KCP: variants seen among roughly 807,000 people sequenced by gnomAD.
KCP encodes kielin/chordin-like protein.
In KCP, 194 loss-of-function variants were observed where a neutral mutation model predicts 212.7. The observed-to-expected ratio is 0.91, with a 90% confidence interval of 0.81 to 1.03. The LOEUF (loss-of-function observed/expected upper bound fraction) is 1.03. KCP is among the 50% of genes least tolerant of loss of function. The pLI, the probability that KCP is intolerant of heterozygous loss-of-function variation, is 0.00. For missense variants in KCP, 2,080 were observed against 2,162.5 expected, an observed-to-expected ratio of 0.96 and a Z score of 0.76; for synonymous variants, 833 against 865.3, an observed-to-expected ratio of 0.96 and a Z score of 0.65.
chr7:128,883,720 C>T (rs901171733), intron 29 of KCP, among the ~76,000 whole-genome samples: 7 of 152,236 alleles, frequency 4.6e-5, no homozygotes, highest in Admixed American at 2.0e-4. Context: ...TGGGCTACCC[C>T]CTGCCTGCCT....
intron 29 of KCP, 77 bp downstream of exon 29, chr7:128,883,925 G>A: frequency 3.4e-6 from 5 of 1,472,116 alleles, no homozygotes; most frequent in Non-Finnish European, 4.5e-6. Flanking sequence ...ATCTGGGGCT[G>A]GGACTGGTGA....
chr7:128,878,838 A>G (rs1793147666), intron 37 of KCP, 116 bp from the exon 38 acceptor site: 6 of 1,051,050 alleles, frequency 5.7e-6, no homozygotes, highest in Middle Eastern at 2.9e-4. Context: ...AGGGGAGGAG[A>G]ATGGACAGGT....
rs774746419 is a variant in KCP at position 128,886,953 on chromosome 7, C to T, written c.2612G>A (p.Arg871His). The T allele has an allele frequency of 4.2e-5, 64 of 1,516,948 alleles. 1 individual carries two copies. The East Asian group carries it at 5.1e-4, about 12-fold the overall frequency. 94.0% of individuals were successfully genotyped at this position (1,516,948 alleles called of 1,614,324 possible). The change falls in exon 24 of 40, where the codon CGC becomes CAC. Residue 871 changes from arginine to histidine, a missense_variant. Arg to His is a conservative substitution (Grantham distance 29). Coordinates refer to ENST00000610776, the MANE Select transcript of KCP (RefSeq NM_001366122.1). ...TGGGGGACATGGCTTCTTCTGGCAGCGCATGGAACCTTCCTGGGGGAGAGA... is the reference window on the plus strand; with the variant it reads ...TGGGGGACATGGCTTCTTCTGGCAGTGCATGGAACCTTCCTGGGGGAGAGA... ...SLCTCQEGSMRCQKKPCPPAL... is the reference protein window; with the variant it reads ...SLCTCQEGSMHCQKKPCPPAL...
chr7:128,904,486 G>A, intron 5 of KCP: 1 of 866,990 alleles, frequency 1.2e-6, no homozygotes, highest in Non-Finnish European at 1.8e-6. Flanking sequence ...CCTCTCCTTT[G>A]CCAGAGCTGG....
chr7:128,890,222 G>A (rs4731523), intron 21 of KCP, 121 bp downstream of exon 21: 404,318 of 1,527,012 alleles, frequency 0.26, 55,314 homozygotes, highest in Admixed American at 0.37. Flanking sequence ...TCCCAGCCTC[G>A]GGGCTTTTTC....
At chr7:128,905,139 C>T (rs897109282) in intron 5 of KCP, among the ~76,000 whole-genome samples, 1 of 152,052 alleles carries the variant, frequency 6.6e-6, no homozygotes, top group Non-Finnish European at 1.5e-5. Context: ...CCTTGTCCCA[C>T]CTTTCTTACT....
At chr7:128,906,172 TG>T in intron 5 of KCP, 106 bp downstream of exon 5, 2 of 910,196 alleles carry the variant, frequency 2.2e-6, no homozygotes, top group Non-Finnish European at 1.8e-6. Flanking sequence ...TCAGAGTGAG[TG>T]GGTAGGCACC....
chr7:128,894,679 T>C (rs1451270122), intron 8 of KCP, among the ~76,000 whole-genome samples: 1 of 152,186 alleles, frequency 6.6e-6, no homozygotes, highest in Non-Finnish European at 1.5e-5. Context: ...TGATCTCAGC[T>C]CACTGTAACC....
At position 128,890,349 on chromosome 7, in the gene KCP, A is replaced by T; in HGVS notation, c.2329T>A (p.Cys777Ser). Residue 777 changes from cysteine (C) to serine (S), a missense_variant, in exon 21 of 40, where the codon TGT becomes AGT. By Grantham distance (112) the Cys-to-Ser change is moderately radical (BLOSUM62 -1). Coordinates refer to ENST00000610776, the MANE Select transcript of KCP (RefSeq NM_001366122.1). Reference protein sequence around the residue: ...FPARGDCCPDCDGCEYLGESY... With the variant: ...FPARGDCCPDSDGCEYLGESY... The stretch of plus-strand genomic sequence containing the variant: ...CCTATCCCATGACCCTCACCATCAC[A>T]GTCAGGGCAGCAGTCGCCCCTGGCA... 1 of 1,551,434 alleles carries T rather than the reference A, an allele frequency of 6.4e-7. No individual in the cohort carries two copies. Among genetic ancestry groups the T allele is most frequent in the Non-Finnish European group, 8.7e-7 (1 of 1,146,934 alleles).
intron 22 of KCP, among the ~76,000 whole-genome samples, chr7:128,888,327 A>G (rs1252933765): frequency 1.9e-5 from 2 of 106,682 alleles, no homozygotes; most frequent in Middle Eastern, 6.9e-3. Context: ...CACACAGAGC[A>G]ACACACACAC....
In KCP at chr7:128,893,225, C is replaced by G. The variant is rs543963815; in HGVS notation, c.1267+13G>C. ...GCGCCCATAGCAGCTGCTCCTCCCC[C>G]TCTCACACACACCTGGGCAGAGCTG... On this transcript the variant is annotated intron_variant, in intron 13 of 39. Transcript: ENST00000610776. The G allele has an allele frequency of 1.3e-6, 2 of 1,550,520 alleles. No homozygotes were observed. The highest frequency in any genetic ancestry group is 1.2e-5 in the South Asian group (1 of 84,034).
In KCP at chr7:128,877,497, GCCTCGCCAGGTAGGTGTCACT is replaced by G. The variant is rs1334146972; in HGVS notation, c.4584_4604del (p.Val1529_Gly1535del). ...TCACCCCCTCACCACACAGCGTGGG[GCCTCGCCAGGTAGGTGTCACT>G]CCTGCCTGGCGACAGTGACTGGCGT... On this transcript the variant is annotated inframe_deletion, in exon 39 of 40. Transcript: ENST00000610776. 6.4e-7 allele frequency: 1 copy of G among 1,551,146 alleles called. No homozygotes were observed. Among genetic ancestry groups the G allele is most frequent in the South Asian group, 1.2e-5 (1 of 84,050 alleles).
At position 128,891,770 on chromosome 7, in the gene KCP, G is replaced by A; in HGVS notation, c.1671C>T (p.His557=). 1 of 1,450,458 alleles carries A rather than the reference G, an allele frequency of 6.9e-7. No individual in the cohort carries two copies. The highest frequency in any genetic ancestry group is 9.1e-7 in the Non-Finnish European group (1 of 1,099,534). 89.8% of individuals were successfully genotyped at this position (1,450,458 alleles called of 1,614,324 possible). Residue 557 remains histidine (H), a synonymous_variant, in exon 17 of 40, where the codon CAC becomes CAT. Transcript: ENST00000610776. ...EVFVDGESFS[H]PRDPCQECRC... ...GGCACTCCTGGCAGGGGTCTCGGGG[G>A]TGGGAGAAGCTCTCGCCGTCCACAA...
chr7:128,878,147 C>T (rs1362610575), intron 38 of KCP, among the ~76,000 whole-genome samples: 4 of 150,966 alleles, frequency 2.6e-5, no homozygotes, highest in African/African-American at 9.8e-5. Flanking sequence ...ACTTCCACTT[C>T]CTGGGTTCAA....
rs1275326198 is a variant in KCP, at chr7:128,908,690, A to G, written c.77-122T>C. ...CATCCTGTGCACCCTGCCCTCTCCA[A>G]TTGCCCACCCACCATCCAGGGCCGG... On this transcript the variant is annotated intron_variant, in intron 1 of 39. Coordinates refer to ENST00000610776, the MANE Select transcript of KCP (RefSeq NM_001366122.1). 7.6e-6 allele frequency: 8 copies of G among 1,047,994 alleles called. No individual in the cohort carries two copies. In the African/African-American group the frequency reaches 1.1e-4, roughly 15 times the overall value. The allele number at this position is 1,047,994 out of a possible 1,614,324, so 64.9% of individuals were successfully genotyped here.
intron 21 of KCP, 62 bp from the exon 22 acceptor site, chr7:128,889,101 C>T (rs957850888): frequency 7.5e-7 from 1 of 1,332,216 alleles, no homozygotes; most frequent in South Asian, 1.5e-5. Flanking sequence ...GGGCAGTGGT[C>T]ATAGGCTCTG....
intron 2 of KCP, among the ~76,000 whole-genome samples, chr7:128,907,668 C>G (rs190793582): frequency 3.3e-5 from 5 of 152,348 alleles, no homozygotes; most frequent in African/African-American, 9.6e-5. Context: ...GGGACCCAAC[C>G]CTTGCCCCAA....
At chr7:128,902,746 G>A in intron 8 of KCP, 31 bp downstream of exon 8, 1 of 1,539,782 alleles carries the variant, frequency 6.5e-7, no homozygotes, top group Non-Finnish European at 8.8e-7. Context: ...GGCAGGGAGG[G>A]GGACAGACCA....
rs948477470 is a variant in KCP, at chr7:128,883,893, C to G, written c.3244+109G>C. 10 of 1,339,902 alleles carry G rather than the reference C, an allele frequency of 7.5e-6. No homozygotes were observed. The Admixed American group carries it at 2.0e-4, about 27-fold the overall frequency. 83.0% of individuals were successfully genotyped at this position (1,339,902 alleles called of 1,614,324 possible). On this transcript the variant is annotated intron_variant, in intron 29 of 39. Transcript: ENST00000610776. Reference sequence around the variant, plus strand: ...GCCGGCCAGGCATAGGGTTCCAGAACAGTCCACTGGAGTCAGGAAGAATCT... The same window carrying G: ...GCCGGCCAGGCATAGGGTTCCAGAAGAGTCCACTGGAGTCAGGAAGAATCT...
Sources: allele counts gnomAD v4.1 joint callset (sites outside exome capture counted in the v4.1 genomes callset), GRCh38; gene constraint gnomAD v4.1.1; transcripts MANE v1.5; gene names NCBI Gene and HGNC (gene_info 2026-07-23, HGNC 2026-07-21).